The following LUZP2 variants were observed in gnomAD, a reference collection of about 807,000 sequenced individuals.
The protein encoded by LUZP2 is leucine zipper protein 2.
A neutral mutation model predicts 51.6 loss-of-function variants in LUZP2; 52 were observed. That is an observed-to-expected ratio of 1.01 (90% CI 0.81 to 1.27). The LOEUF (loss-of-function observed/expected upper bound fraction) is 1.27. Ranked by LOEUF, LUZP2 falls within the 50% of genes most tolerant of loss-of-function variation. The pLI, the probability that LUZP2 is intolerant of heterozygous loss-of-function variation, is 0.00. For missense variants in LUZP2, 436 were observed against 395.4 expected, an observed-to-expected ratio of 1.10 and a Z score of -0.87; for synonymous variants, 154 against 137.3, an observed-to-expected ratio of 1.12 and a Z score of -0.85.
intron 9 of LUZP2, among the ~76,000 whole-genome samples, chr11:25,021,433 G>A (rs991152431): frequency 1.4e-4 from 22 of 151,832 alleles, no homozygotes; most frequent in African/African-American, 5.3e-4. Context: ...GGTTGTGTGT[G>A]TGTGTGTGTG....
chr11:24,874,708 G>A (rs1039887363), intron 5 of LUZP2, among the ~76,000 whole-genome samples: 3 of 152,178 alleles, frequency 2.0e-5, no homozygotes, highest in Non-Finnish European at 4.4e-5. Context: ...GACTCATGGA[G>A]TGTGGGGCAC....
chr11:24,706,533 G>A (rs535106998), intron 1 of LUZP2, among the ~76,000 whole-genome samples: 57 of 152,112 alleles, frequency 3.7e-4, no homozygotes, highest in African/African-American at 1.2e-3. Flanking sequence ...CTTCCTGTGC[G>A]GCCTTCTCTC....
At chr11:24,513,319 A>G (rs943786064) in intron 1 of LUZP2, among the ~76,000 whole-genome samples, 1 of 152,202 alleles carries the variant, frequency 6.6e-6, no homozygotes. Flanking sequence ...AAAAACATCT[A>G]TATTTGAAAG....
chr11:24,497,091 C>T lies in LUZP2; in HGVS notation c.-153C>T, dbSNP rs1849846617. On this transcript the variant is annotated 5_prime_UTR_variant, in exon 1 of 12. Coordinates refer to ENST00000336930, the MANE Select transcript of LUZP2 (RefSeq NM_001009909.4). Reference sequence around the variant, plus strand: ...CTCCTCGCTCCCAGCGCCTGCCTTCCCCAGGCGTCCGTTCGTGTGCCCGTC... The same window carrying T: ...CTCCTCGCTCCCAGCGCCTGCCTTCTCCAGGCGTCCGTTCGTGTGCCCGTC... 1.8e-6 allele frequency: 1 copy of T among 559,708 alleles called. No individual in the cohort carries two copies. Among genetic ancestry groups the T allele is most frequent in the Non-Finnish European group, 2.9e-6 (1 of 343,460 alleles). 34.7% of individuals were successfully genotyped at this position (559,708 alleles called of 1,614,324 possible).
chr11:24,839,148 C>T (rs945390304), intron 5 of LUZP2, among the ~76,000 whole-genome samples: 4 of 151,604 alleles, frequency 2.6e-5, no homozygotes. Context: ...CTGTAATAGT[C>T]TTTCATGTTT....
At chr11:24,910,596 T>A (rs566610804) in intron 6 of LUZP2, among the ~76,000 whole-genome samples, 1 of 152,320 alleles carries the variant, frequency 6.6e-6, no homozygotes. Flanking sequence ...CCATGTGGTA[T>A]TGAGCCTGTG....
At chr11:25,018,829 A>C (rs899640268) in intron 9 of LUZP2, among the ~76,000 whole-genome samples, 2 of 152,002 alleles carry the variant, frequency 1.3e-5, no homozygotes, top group African/African-American at 4.8e-5. Context: ...GCTTGCCTTG[A>C]ACTCCTGGCC....
intron 7 of LUZP2, among the ~76,000 whole-genome samples, chr11:24,944,346 C>G (rs998898231): frequency 5.3e-5 from 8 of 152,190 alleles, no homozygotes; most frequent in Admixed American, 3.9e-4. Context: ...GGCATTCTGA[C>G]TCTAGGACCC....
At chr11:24,779,521 T>G (rs1279414147) in intron 5 of LUZP2, among the ~76,000 whole-genome samples, 1 of 152,162 alleles carries the variant, frequency 6.6e-6, no homozygotes, top group Non-Finnish European at 1.5e-5. Context: ...TAACTATCAT[T>G]GTGCCACTCC....
Position 24,519,111 on chromosome 11 carries a change from T to C in LUZP2, c.62+21806T>C, listed in dbSNP as rs112845186. ...TCTATTTTAAACTTAGACACTGTTA[T>C]CCACTCAGGATTCATGTTGAGGGAT... On this transcript the variant is annotated intron_variant, in intron 1 of 11. Transcript: ENST00000336930. 2.0e-3 allele frequency among the ~76,000 whole-genome samples: 307 copies of C among 152,332 alleles called. 2 individuals are homozygous for C. Among genetic ancestry groups the C allele is most frequent in the Middle Eastern group, 6.8e-3 (2 of 294 alleles).
At position 24,920,304 on chromosome 11, in the gene LUZP2, T is replaced by C. The variant is rs534042697; in HGVS notation, c.522+5766T>C. ...ATAGTGGCTTAGTTAAATTACTGCT[T>C]CAGGGAATTGGTAGTCCAGTTATTA... On this transcript the variant is annotated intron_variant, in intron 7 of 11. Coordinates refer to ENST00000336930, the MANE Select transcript of LUZP2 (RefSeq NM_001009909.4). 2.6e-5 allele frequency among the ~76,000 whole-genome samples: 4 copies of C among 152,022 alleles called. No homozygotes were observed. The East Asian group carries it at 7.7e-4, about 29-fold the overall frequency.
At chr11:24,961,946 G>A (rs1232204078) in intron 7 of LUZP2, among the ~76,000 whole-genome samples, 2 of 151,764 alleles carry the variant, frequency 1.3e-5, no homozygotes, top group Admixed American at 1.3e-4. Context: ...AGGCCTGGTG[G>A]TGACAAAATC....
intron 7 of LUZP2, among the ~76,000 whole-genome samples, chr11:24,943,457 G>GT (rs1854813312): frequency 6.6e-6 from 1 of 152,128 alleles, no homozygotes; most frequent in African/African-American, 2.4e-5. Flanking sequence ...AGCACTCTGA[G>GT]TGAAGTGTCC....
At chr11:24,874,608 C>T (rs1435299848) in intron 5 of LUZP2, among the ~76,000 whole-genome samples, 1 of 152,132 alleles carries the variant, frequency 6.6e-6, no homozygotes, top group East Asian at 1.9e-4. Context: ...GAAATATTGA[C>T]TAAGTCCTTC....
intron 1 of LUZP2, among the ~76,000 whole-genome samples, chr11:24,698,535 C>T (rs1480379971): frequency 2.0e-5 from 3 of 152,138 alleles, no homozygotes; most frequent in African/African-American, 4.8e-5. Flanking sequence ...TTAAAATATT[C>T]ATTGAAAGCT....
intron 1 of LUZP2, among the ~76,000 whole-genome samples, chr11:24,601,126 A>G (rs1420959702): frequency 6.6e-6 from 1 of 152,082 alleles, no homozygotes; most frequent in Non-Finnish European, 1.5e-5. Context: ...TGTGAGAAAA[A>G]GTGAATATGT....
intron 10 of LUZP2, among the ~76,000 whole-genome samples, chr11:25,062,058 A>G (rs1858854986): frequency 6.6e-6 from 1 of 151,476 alleles, no homozygotes; most frequent in Non-Finnish European, 1.5e-5. Context: ...ATACCCCTCA[A>G]GAAAAGGGAA....
intron 7 of LUZP2, among the ~76,000 whole-genome samples, chr11:24,945,305 A>G (rs563790590): frequency 1.3e-5 from 2 of 152,180 alleles, no homozygotes; most frequent in Admixed American, 6.5e-5. Context: ...GATGTTTCCA[A>G]CAGGAATGCC....
At chr11:24,828,044 C>T (rs901096744) in intron 5 of LUZP2, among the ~76,000 whole-genome samples, 1 of 152,114 alleles carries the variant, frequency 6.6e-6, no homozygotes, top group East Asian at 1.9e-4. Context: ...CACACACACA[C>T]ACACATACAC....
Sources: allele counts gnomAD v4.1 joint callset (sites outside exome capture counted in the v4.1 genomes callset), GRCh38; gene constraint gnomAD v4.1.1; transcripts MANE v1.5; gene names NCBI Gene and HGNC (gene_info 2026-07-23, HGNC 2026-07-21).